MEMO1: variants seen among roughly 807,000 people sequenced by gnomAD.
MEMO1 encodes the protein protein MEMO1.
In MEMO1, 6 loss-of-function variants were observed where a neutral mutation model predicts 45.2. The observed-to-expected ratio is 0.13, with a 90% CI of 0.07 to 0.26. MEMO1 has a LOEUF of 0.26. Among genes scored for constraint, MEMO1 ranks in the 10% least tolerant of loss-of-function variants. The pLI, the probability that MEMO1 is intolerant of heterozygous loss-of-function variation, is 1.00. For synonymous variants in MEMO1, 78 were observed against 124.3 expected, an observed-to-expected ratio of 0.63 and a Z score of 2.48; for missense variants, 184 against 370.5, an observed-to-expected ratio of 0.50 and a Z score of 4.13.
chr2:31,896,516 G>C (rs1339768461), intron 6 of MEMO1, among the ~76,000 whole-genome samples: 1 of 152,170 alleles, frequency 6.6e-6, no homozygotes, highest in African/African-American at 2.4e-5. Flanking sequence ...ATTTACAAAA[G>C]TAGGCTGTGG....
intron 2 of MEMO1, among the ~76,000 whole-genome samples, chr2:31,964,451 C>G (rs960412105): frequency 6.6e-6 from 1 of 152,154 alleles, no homozygotes; most frequent in Non-Finnish European, 1.5e-5. Flanking sequence ...AATTCCAGAA[C>G]TTTGGGAGGC....
intron 6 of MEMO1, among the ~76,000 whole-genome samples, chr2:31,913,677 C>A (rs1401286131): frequency 2.0e-5 from 3 of 151,976 alleles, no homozygotes; most frequent in Admixed American, 1.3e-4. Context: ...TTTTTGTGTA[C>A]CAGGTACTGT....
chr2:31,939,662 A>T (rs1665379914), intron 3 of MEMO1, among the ~76,000 whole-genome samples: 1 of 152,170 alleles, frequency 6.6e-6, no homozygotes, highest in Non-Finnish European at 1.5e-5. Flanking sequence ...AATTATTATT[A>T]ATCCATTGTT....
intron 4 of MEMO1, among the ~76,000 whole-genome samples, chr2:31,926,056 T>C (rs1683059024): frequency 6.6e-6 from 1 of 152,020 alleles, no homozygotes; most frequent in Admixed American, 6.6e-5. Flanking sequence ...TTTAGGTAGC[T>C]GGCAGAAGAT....
At chr2:31,930,614 T>C (rs1409024016) in intron 4 of MEMO1, among the ~76,000 whole-genome samples, 3 of 152,014 alleles carry the variant, frequency 2.0e-5, no homozygotes, top group Non-Finnish European at 4.4e-5. Context: ...AGCTGGTTTA[T>C]AGGCCCAAGT....
rs190454016 is a variant in MEMO1, at chr2:31,901,319, G to A, written c.438-9185C>T. Among the ~76,000 whole-genome samples the A allele has an allele frequency of 2.4e-5, 3 of 126,482 alleles. No homozygotes were observed. In the Admixed American group the frequency reaches 3.1e-4, roughly 13 times the overall value. The allele number at this position is 126,482 out of a possible 152,430, so 83.0% of individuals were successfully genotyped here. A position where few individuals can be genotyped will look rare whatever the true frequency, so the allele number is the denominator to read the frequency against. ...ACCTGGGAGGTGGAGGTTGCAGTGAGCCAAGATCACGCCACTGCACTCCAG... is the reference window on the plus strand; with the variant it reads ...ACCTGGGAGGTGGAGGTTGCAGTGAACCAAGATCACGCCACTGCACTCCAG... On this transcript the variant is annotated intron_variant, in intron 6 of 9. Transcript: ENST00000404530.
intron 2 of MEMO1, among the ~76,000 whole-genome samples, chr2:31,954,727 G>C (rs985476610): frequency 1.9e-4 from 29 of 151,998 alleles, no homozygotes; most frequent in African/African-American, 7.0e-4. Flanking sequence ...TCAACTACTA[G>C]GGAGGCTGAG....
intron 2 of MEMO1, among the ~76,000 whole-genome samples, chr2:31,972,117 T>C (rs1299410929): frequency 2.0e-5 from 3 of 152,202 alleles, no homozygotes; most frequent in Non-Finnish European, 2.9e-5. Flanking sequence ...ATATGTGAAA[T>C]ACCTTTTTTT....
chr2:31,933,332 AAAAAAAAAAAAAAAAAATTTATATAT>A (rs1558514013), intron 3 of MEMO1, among the ~76,000 whole-genome samples: 1 of 60,038 alleles, frequency 1.7e-5, no homozygotes, highest in African/African-American at 7.9e-5. Context: ...AAAAAAAAAA[AAAAAAAAAAAAAAAAAATTTATATAT>A]ATATATATAT....
At chr2:31,896,332 A>G (rs1464067716) in intron 6 of MEMO1, among the ~76,000 whole-genome samples, 1 of 152,222 alleles carries the variant, frequency 6.6e-6, no homozygotes, top group Non-Finnish European at 1.5e-5. Flanking sequence ...ATAAGAGCTA[A>G]AACTGTAACA....
At chr2:31,883,597 G>C in intron 7 of MEMO1, 135 bp from the exon 8 acceptor site, 1 of 607,860 alleles carries the variant, frequency 1.6e-6, no homozygotes, top group Non-Finnish European at 2.8e-6. Flanking sequence ...TCATTCCCAA[G>C]AGCCCTTGTA....
chr2:31,924,001 G>A (rs965776560), intron 4 of MEMO1, among the ~76,000 whole-genome samples: 2 of 152,098 alleles, frequency 1.3e-5, no homozygotes, highest in African/African-American at 4.8e-5. Flanking sequence ...GTACTCTACA[G>A]ATTCTTTCTG....
Position 31,896,000 on chromosome 2 carries a change from C to T in MEMO1, c.438-3866G>A, listed in dbSNP as rs375782826. Among the ~76,000 whole-genome samples the T allele has an allele frequency of 3.8e-4, 57 of 151,780 alleles. No homozygotes were observed. In the East Asian group the frequency reaches 8.4e-3, roughly 22 times the overall value. On this transcript the variant is annotated intron_variant, in intron 6 of 9. Coordinates refer to ENST00000404530, the MANE Select transcript of MEMO1 (RefSeq NM_001301833.4). ...CTGGGACTACAGGCGCCCGCCACCT[C>T]GCCCAGCTAATTTTTTGTATTTTTA...
Position 32,006,758 on chromosome 2 carries a change from A to T in MEMO1, c.61+3429T>A, listed in dbSNP as rs74671093. 1.2e-4 allele frequency among the ~76,000 whole-genome samples: 18 copies of T among 152,152 alleles called. No homozygotes were observed. In the East Asian group the frequency reaches 3.5e-3, roughly 29 times the overall value. ...GAGGCAGGCAGATCACGAGGTCAGG[A>T]GTTCAAGACCAGCCTGGCCAATATG... On this transcript the variant is annotated intron_variant, in intron 2 of 9. Coordinates refer to ENST00000404530, the MANE Select transcript of MEMO1 (RefSeq NM_001301833.4).
At chr2:31,949,011 G>T (rs999243197) in intron 2 of MEMO1, among the ~76,000 whole-genome samples, 1 of 152,134 alleles carries the variant, frequency 6.6e-6, no homozygotes, top group African/African-American at 2.4e-5. Context: ...ATGAAAAGGT[G>T]CTCAACATCA....
intron 2 of MEMO1, among the ~76,000 whole-genome samples, chr2:31,989,985 G>T (rs1332888234): frequency 6.6e-6 from 1 of 152,084 alleles, no homozygotes; most frequent in East Asian, 1.9e-4. Context: ...GGGCATGGTG[G>T]TATACACCTA....
At chr2:32,010,420 C>A in intron 1 of MEMO1, 156 bp from the exon 2 acceptor site, 1 of 414,868 alleles carries the variant, frequency 2.4e-6, no homozygotes, top group South Asian at 2.6e-5. Context: ...GAGGCGGCGG[C>A]CCAGGAGGAG....
intron 7 of MEMO1, among the ~76,000 whole-genome samples, chr2:31,886,413 T>C (rs558220012): frequency 6.6e-6 from 1 of 152,198 alleles, no homozygotes; most frequent in Admixed American, 6.5e-5. Flanking sequence ...TGTATTTACG[T>C]ATGTCTGCAT....
chr2:31,908,683 C>T (rs11890763), intron 6 of MEMO1, among the ~76,000 whole-genome samples: 19,747 of 152,086 alleles, frequency 0.13, 1,433 homozygotes, highest in Middle Eastern at 0.21. Flanking sequence ...CTGTAGAAGG[C>T]TTTATGAAAG....
Sources: allele counts gnomAD v4.1 joint callset (sites outside exome capture counted in the v4.1 genomes callset), GRCh38; gene constraint gnomAD v4.1.1; transcripts MANE v1.5; gene names NCBI Gene and HGNC (gene_info 2026-07-23, HGNC 2026-07-21).